TENM3: variants seen among roughly 807,000 people sequenced by gnomAD.
TENM3 encodes the protein teneurin transmembrane protein 3.
A neutral mutation model predicts 255.1 loss-of-function variants in TENM3; 63 were observed. The observed-to-expected ratio is 0.25, with a 90% CI of 0.20 to 0.30. The LOEUF is 0.30. Ranked by LOEUF, TENM3 falls within the 10% of genes least tolerant of loss-of-function variation. TENM3 has a pLI of 1.00. For synonymous variants in TENM3, 1,306 were observed against 1,322.3 expected (o/e 0.99, Z 0.27); for missense variants, 2,929 against 3,461.1 (o/e 0.85, Z 3.86).
chr4:182,100,774 C>CAT, the TENM3 span, among the ~76,000 whole-genome samples: 537 of 33,102 alleles, frequency 0.016, 55 homozygotes, highest in African/African-American at 0.035. Context: ...TATATATACA[C>CAT]ATATATATAC....
chr4:182,314,227 G>T (rs1414533328), intron 1 of TENM3, among the ~76,000 whole-genome samples: 1 of 152,072 alleles, frequency 6.6e-6, no homozygotes, highest in Non-Finnish European at 1.5e-5. Flanking sequence ...CGTGAACCTG[G>T]GAGGCGGAGC....
At chr4:181,856,485 T>A in the TENM3 span, among the ~76,000 whole-genome samples, 1 of 152,240 alleles carries the variant, frequency 6.6e-6, no homozygotes, top group Admixed American at 6.5e-5. Flanking sequence ...ATCTCATGAA[T>A]GAGTAAATCT....
At chr4:182,262,776 T>C (rs541699200) in intron 1 of TENM3, among the ~76,000 whole-genome samples, 48 of 148,804 alleles carry the variant, frequency 3.2e-4, no homozygotes, top group South Asian at 1.5e-3. Context: ...TGCAGTGGCC[T>C]GATCTCAGCT....
chr4:182,073,240 A>C, the TENM3 span, among the ~76,000 whole-genome samples: 6 of 152,194 alleles, frequency 3.9e-5, no homozygotes, highest in Admixed American at 3.3e-4. Flanking sequence ...AAACCATCAG[A>C]TCTTGTGAGA....
chr4:182,481,598 C>T (rs556747565), intron 3 of TENM3, among the ~76,000 whole-genome samples: 13 of 148,900 alleles, frequency 8.7e-5, no homozygotes, highest in Admixed American at 3.5e-4. Flanking sequence ...CGTTCACGAC[C>T]GGCCTGAGCA....
chr4:181,467,137 TTTTTTTTTTTTA>T, the TENM3 span, among the ~76,000 whole-genome samples: 14 of 102,912 alleles, frequency 1.4e-4, no homozygotes, highest in South Asian at 2.1e-3. Flanking sequence ...TTTTTTTTTT[TTTTTTTTTTTTA>T]GGCAGAGTCT....
At chr4:181,654,723 C>T in the TENM3 span, among the ~76,000 whole-genome samples, 1 of 138,582 alleles carries the variant, frequency 7.2e-6, no homozygotes, top group African/African-American at 2.7e-5. Context: ...CACTGCACTC[C>T]AGCCCAGGCA....
chr4:181,714,136 T>C, the TENM3 span, among the ~76,000 whole-genome samples: 9,639 of 152,238 alleles, frequency 0.063, 359 homozygotes, highest in Middle Eastern at 0.15. Context: ...AGATGGTGCA[T>C]TGAAAATTTT....
intron 22 of TENM3, among the ~76,000 whole-genome samples, chr4:182,764,797 G>A (rs35981779): frequency 1.3e-5 from 2 of 152,040 alleles, no homozygotes; most frequent in Non-Finnish European, 2.9e-5. Flanking sequence ...TCTTCCCTCC[G>A]GGGTAGGCGG....
chr4:182,111,989 T>C, the TENM3 span, among the ~76,000 whole-genome samples: 1 of 152,258 alleles, frequency 6.6e-6, no homozygotes, highest in Non-Finnish European at 1.5e-5. Context: ...CTTCTATTTT[T>C]ACATTTTAAA....
the TENM3 span, among the ~76,000 whole-genome samples, chr4:181,627,563 C>T: frequency 3.9e-5 from 6 of 152,112 alleles, no homozygotes; most frequent in Non-Finnish European, 7.3e-5. Flanking sequence ...TCAATTCCCA[C>T]CTATGAGTGA....
At chr4:182,743,793 G>A (rs55972184) in intron 19 of TENM3, among the ~76,000 whole-genome samples, 41,974 of 151,992 alleles carry the variant, frequency 0.28, 5,990 homozygotes, top group Non-Finnish European at 0.3. Flanking sequence ...ATATTTTCCT[G>A]TGATTTCAGG....
the TENM3 span, among the ~76,000 whole-genome samples, chr4:181,501,433 C>T: frequency 6.6e-6 from 1 of 150,688 alleles, no homozygotes; most frequent in Admixed American, 6.6e-5. Context: ...GGCTGGAGTG[C>T]AGTGGTGCGA....
At chr4:182,117,062 A>G in the TENM3 span, among the ~76,000 whole-genome samples, 2 of 152,164 alleles carry the variant, frequency 1.3e-5, no homozygotes, top group African/African-American at 4.8e-5. Flanking sequence ...ATCTTTTCAT[A>G]TGCCTACTTG....
At chr4:181,929,262 G>A in the TENM3 span, among the ~76,000 whole-genome samples, 11 of 151,900 alleles carry the variant, frequency 7.2e-5, no homozygotes, top group Non-Finnish European at 1.2e-4. Flanking sequence ...ACCCATCAGT[G>A]TGCTGTGTTC....
intron 3 of TENM3, among the ~76,000 whole-genome samples, chr4:182,417,772 T>C (rs1263963012): frequency 6.6e-6 from 1 of 152,198 alleles, no homozygotes; most frequent in Non-Finnish European, 1.5e-5. Context: ...AATCCACCTC[T>C]AGGACGAAAG....
chr4:182,429,421 A>G (rs940976094), intron 3 of TENM3, among the ~76,000 whole-genome samples: 1 of 152,204 alleles, frequency 6.6e-6, no homozygotes, highest in Non-Finnish European at 1.5e-5. Context: ...TGCATAAGCA[A>G]TTTCTTCTAA....
intron 4 of TENM3, among the ~76,000 whole-genome samples, chr4:182,620,581 C>T (rs1383178238): frequency 6.6e-6 from 1 of 152,106 alleles, no homozygotes; most frequent in African/African-American, 2.4e-5. Flanking sequence ...CTAATTTTAC[C>T]TGAAGGAATC....
the TENM3 span, among the ~76,000 whole-genome samples, chr4:182,052,277 G>C: frequency 2.0e-5 from 3 of 152,046 alleles, no homozygotes; most frequent in Non-Finnish European, 4.4e-5. Flanking sequence ...CACAATCAAA[G>C]AGCCCAGCTA....
Sources: gnomAD v4.1 joint callset for allele counts (sites outside exome capture counted in the v4.1 genomes callset) on GRCh38, gnomAD v4.1.1 for gene constraint, MANE v1.5 for transcripts, NCBI Gene and HGNC (gene_info 2026-07-23, HGNC 2026-07-21) for gene names.